The following SNX29 variants were observed in gnomAD, a reference collection of about 807,000 sequenced individuals.
SNX29 encodes the protein sorting nexin-29.
Under a neutral mutation model 102.1 loss-of-function variants are expected in SNX29, and 78 were observed. The observed-to-expected ratio is 0.76, with a 90% confidence interval of 0.64 to 0.92. The LOEUF is 0.92. Among genes scored for constraint, SNX29 ranks in the 40% least tolerant of loss-of-function variants. The pLI is 0.00. For missense variants in SNX29, 1,280 were observed against 1,061.7 expected (o/e 1.21, Z -2.86); for synonymous variants, 580 against 414.5 (o/e 1.40, Z -4.85).
At chr16:12,316,020 C>G (rs1001107056) in intron 15 of SNX29, among the ~76,000 whole-genome samples, 8 of 152,218 alleles carry the variant, frequency 5.3e-5, no homozygotes, top group African/African-American at 1.9e-4. Context: ...TTCTCAGATA[C>G]AGCTGAGTGC....
intron 11 of SNX29, among the ~76,000 whole-genome samples, chr16:12,116,355 C>G (rs992931025): frequency 9.8e-5 from 15 of 152,306 alleles, no homozygotes; most frequent in African/African-American, 3.1e-4. Context: ...CATATCCATA[C>G]AGTGGAACAT....
chr16:12,341,561 G>A (rs1015967423), intron 15 of SNX29, among the ~76,000 whole-genome samples: 1 of 152,194 alleles, frequency 6.6e-6, no homozygotes, highest in African/African-American at 2.4e-5. Context: ...TGTCCAACAT[G>A]GGTTGCCCAA....
intron 15 of SNX29, among the ~76,000 whole-genome samples, chr16:12,341,016 T>A (rs995586176): frequency 2.0e-5 from 3 of 152,216 alleles, no homozygotes; most frequent in African/African-American, 7.2e-5. Context: ...AGAATGGGCA[T>A]AATGCCTTGA....
At chr16:12,483,506 G>C (rs185193475) in intron 19 of SNX29, among the ~76,000 whole-genome samples, 9 of 151,794 alleles carry the variant, frequency 5.9e-5, no homozygotes, top group Admixed American at 5.2e-4. Context: ...TTGTAGAGAC[G>C]GGGTTTCACC....
intron 20 of SNX29, chr16:12,527,264 A>G (rs753182142): frequency 3.8e-6 from 2 of 532,014 alleles, no homozygotes; most frequent in South Asian, 1.5e-5. Context: ...ACGAATCTCC[A>G]TGTGATCGTG....
At position 12,381,148 on chromosome 16, in the gene SNX29, T is replaced by C. The variant is rs556430083; in HGVS notation, c.1900-17298T>C. Among the ~76,000 whole-genome samples the C allele has an allele frequency of 2.4e-3, 48 of 20,156 alleles. 4 individuals are homozygous for C. The highest frequency in any genetic ancestry group is 0.012 in the African/African-American group (44 of 3,568). 13.2% of individuals were successfully genotyped at this position (20,156 alleles called of 152,430 possible). The stretch of plus-strand genomic sequence containing the variant: ...CACCCACCCACCCACCCACCATCCA[T>C]CCATCCACCCACCATCCATCCATCC... On this transcript the variant is annotated intron_variant, in intron 16 of 20. Transcript: ENST00000566228.
intron 20 of SNX29, chr16:12,546,800 A>G (rs2077634363): frequency 6.6e-6 from 1 of 152,228 alleles, no homozygotes; most frequent in South Asian, 2.1e-4. Context: ...AAATACAGAC[A>G]ATTAGGATTG....
chr16:12,088,000 C>T (rs1386475996), intron 11 of SNX29: 1 of 456,514 alleles, frequency 2.2e-6, no homozygotes, highest in Non-Finnish European at 4.4e-6. Flanking sequence ...GGGCCATGGT[C>T]CTTTGGGGGG....
intron 20 of SNX29, among the ~76,000 whole-genome samples, chr16:12,550,005 G>C (rs1597929443): frequency 2.0e-5 from 3 of 152,198 alleles, no homozygotes; most frequent in Non-Finnish European, 2.9e-5. Flanking sequence ...CTTATTATAA[G>C]GGCAAAGTTG....
chr16:12,008,744 TTTTC>T (rs1235716330), intron 3 of SNX29, among the ~76,000 whole-genome samples: 40 of 151,550 alleles, frequency 2.6e-4, no homozygotes, highest in African/African-American at 9.5e-4. Context: ...TTTTTTTTTT[TTTTC>T]TTTTTTAACT....
chr16:12,483,114 G>GTTTTTGTTTTTGTTT (rs71139598), intron 19 of SNX29, among the ~76,000 whole-genome samples: 1 of 66,196 alleles, frequency 1.5e-5, no homozygotes, highest in Non-Finnish European at 2.8e-5. Flanking sequence ...AAGTTATTAA[G>GTTTTTGTTTTTGTTT]TTTTTTTTTT....
intron 15 of SNX29, among the ~76,000 whole-genome samples, chr16:12,350,121 C>CGT (rs1161056248): frequency 6.6e-6 from 1 of 152,012 alleles, no homozygotes; most frequent in African/African-American, 2.4e-5. Context: ...AGTCACTTGC[C>CGT]GTGTGTGTGT....
intron 20 of SNX29, among the ~76,000 whole-genome samples, chr16:12,564,670 CCA>C (rs1266909833): frequency 6.6e-6 from 1 of 152,144 alleles, no homozygotes; most frequent in Non-Finnish European, 1.5e-5. Context: ...CATATCTTGT[CCA>C]CACATTCCTC....
intron 15 of SNX29, among the ~76,000 whole-genome samples, chr16:12,316,721 T>C (rs574429246): frequency 6.6e-4 from 100 of 152,206 alleles, no homozygotes; most frequent in African/African-American, 2.3e-3. Flanking sequence ...CACTTCCTTC[T>C]CTCCCATCCC....
intron 19 of SNX29, among the ~76,000 whole-genome samples, chr16:12,490,494 G>C (rs1489298302): frequency 6.6e-6 from 1 of 152,174 alleles, no homozygotes; most frequent in Non-Finnish European, 1.5e-5. Context: ...ATTACAAATA[G>C]TGCTGTAATT....
intron 14 of SNX29, among the ~76,000 whole-genome samples, chr16:12,276,545 T>C (rs1299215907): frequency 6.6e-6 from 1 of 152,182 alleles, no homozygotes; most frequent in African/African-American, 2.4e-5. Context: ...TCTCAGATCC[T>C]TGTTTAGCCT....
intron 2 of SNX29, among the ~76,000 whole-genome samples, chr16:12,001,192 A>T (rs947242815): frequency 3.3e-5 from 5 of 151,920 alleles, no homozygotes; most frequent in African/African-American, 1.2e-4. Flanking sequence ...GCTCACTGCA[A>T]CCTCTGTCTC....
At chr16:12,410,628 C>A (rs2084361111) in intron 18 of SNX29, among the ~76,000 whole-genome samples, 1 of 152,006 alleles carries the variant, frequency 6.6e-6, no homozygotes, top group Non-Finnish European at 1.5e-5. Context: ...GAGACAGGGT[C>A]TCACTGTGCT....
chr16:12,021,831 C>T (rs2057031752), intron 3 of SNX29, among the ~76,000 whole-genome samples: 2 of 151,004 alleles, frequency 1.3e-5, no homozygotes, highest in Admixed American at 6.6e-5. Flanking sequence ...GCAGAGGTTA[C>T]AGTGAGCCGA....
Sources: gnomAD v4.1 joint callset for allele counts (sites outside exome capture counted in the v4.1 genomes callset) on GRCh38, gnomAD v4.1.1 for gene constraint, MANE v1.5 for transcripts, NCBI Gene and HGNC (gene_info 2026-07-23, HGNC 2026-07-21) for gene names.